The following GADL1 variants were observed in gnomAD, a reference collection of about 807,000 sequenced individuals.
GADL1 encodes acidic amino acid decarboxylase GADL1.
A neutral mutation model predicts 69.5 loss-of-function variants in GADL1; 71 were observed. That is an observed-to-expected ratio of 1.02 (90% CI 0.84 to 1.25). The LOEUF is 1.25. Among genes scored for constraint, GADL1 ranks in the 50% most tolerant of loss-of-function variants. GADL1 has a pLI of 0.00. For synonymous variants in GADL1, 254 were observed against 214.4 expected (o/e 1.18, Z -1.62); for missense variants, 737 against 631.8 (o/e 1.17, Z -1.79).
chr3:30,854,155 C>T (rs1238205141), intron 4 of GADL1, among the ~76,000 whole-genome samples: 5 of 152,138 alleles, frequency 3.3e-5, no homozygotes, highest in African/African-American at 1.2e-4. Context: ...TCATCCCTCA[C>T]CTTATCACCT....
At chr3:30,741,691 G>A (rs1695628979) in intron 14 of GADL1, among the ~76,000 whole-genome samples, 1 of 152,116 alleles carries the variant, frequency 6.6e-6, no homozygotes, top group Non-Finnish European at 1.5e-5. Context: ...TTAAGCCCAT[G>A]TATAAATTAG....
intron 11 of GADL1, among the ~76,000 whole-genome samples, chr3:30,826,795 A>C (rs991046197): frequency 2.0e-5 from 3 of 151,856 alleles, no homozygotes; most frequent in Non-Finnish European, 1.5e-5. Context: ...TAAAACAAAA[A>C]TAACTTCCTA....
intron 1 of GADL1, among the ~76,000 whole-genome samples, chr3:30,877,087 G>A (rs1310889009): frequency 1.3e-5 from 2 of 151,860 alleles, no homozygotes; most frequent in Non-Finnish European, 2.9e-5. Context: ...AATATTCATA[G>A]CACCCTAGAA....
intron 1 of GADL1, among the ~76,000 whole-genome samples, chr3:30,889,819 A>G (rs1698763105): frequency 6.6e-6 from 1 of 152,214 alleles, no homozygotes; most frequent in African/African-American, 2.4e-5. Flanking sequence ...TGATCTTATA[A>G]TATACATAGT....
chr3:30,878,123 C>A (rs1163483862), intron 1 of GADL1, among the ~76,000 whole-genome samples: 1 of 151,916 alleles, frequency 6.6e-6, no homozygotes, highest in African/African-American at 2.4e-5. Flanking sequence ...CTCTGGCCCC[C>A]AAGTAGCTCT....
At chr3:30,799,254 G>C (rs1427440568) in intron 12 of GADL1, 2 of 152,274 alleles carry the variant, frequency 1.3e-5, no homozygotes, top group African/African-American at 4.8e-5. Context: ...GCATCCAGGG[G>C]TTTCCATACC....
chr3:30,764,924 A>G (rs983191302), intron 14 of GADL1, among the ~76,000 whole-genome samples: 10 of 122,462 alleles, frequency 8.2e-5, no homozygotes, highest in Middle Eastern at 4.1e-3. Flanking sequence ...TTTCTAGAAC[A>G]TCCTGCAAAG....
At chr3:30,888,582 C>T (rs928362988) in intron 1 of GADL1, among the ~76,000 whole-genome samples, 6 of 151,912 alleles carry the variant, frequency 3.9e-5, no homozygotes, top group African/African-American at 1.5e-4. Flanking sequence ...ACCTATTATC[C>T]CCAAGTGGGA....
intron 1 of GADL1, among the ~76,000 whole-genome samples, chr3:30,883,327 C>G (rs1698665569): frequency 6.6e-6 from 1 of 151,878 alleles, no homozygotes; most frequent in Admixed American, 6.6e-5. Flanking sequence ...TTTCTATATA[C>G]AGTATAATAA....
At chr3:30,754,868 T>TTC (rs892004724) in intron 14 of GADL1, among the ~76,000 whole-genome samples, 9 of 151,940 alleles carry the variant, frequency 5.9e-5, no homozygotes, top group African/African-American at 1.7e-4. Flanking sequence ...TGATTTTTTT[T>TTC]CTGAAAGTCT....
intron 14 of GADL1, among the ~76,000 whole-genome samples, chr3:30,755,856 T>C (rs1695957438): frequency 6.6e-6 from 1 of 151,658 alleles, no homozygotes; most frequent in Non-Finnish European, 1.5e-5. Flanking sequence ...ATCATTTGCA[T>C]ACATAACATT....
At chr3:30,768,611 A>T (rs973539626) in intron 14 of GADL1, among the ~76,000 whole-genome samples, 1 of 151,954 alleles carries the variant, frequency 6.6e-6, no homozygotes, top group Non-Finnish European at 1.5e-5. Context: ...GCGAGACTGG[A>T]GGTGCAAAGA....
Position 30,743,378 on chromosome 3 carries a change from G to A in GADL1, c.1393-14963C>T, listed in dbSNP as rs371581006. ...AAGCAGAGATGTGGAGTGAGTGAAG[G>A]AGATATGTGGAGTGACCAAGGTGCC... On this transcript the variant is annotated intron_variant, in intron 14 of 14. Transcript: ENST00000282538. Among the ~76,000 whole-genome samples, 4 of 152,184 alleles carry A rather than the reference G, an allele frequency of 2.6e-5. No individual in the cohort carries two copies. In the East Asian group the frequency reaches 5.8e-4, roughly 22 times the overall value.
intron 14 of GADL1, among the ~76,000 whole-genome samples, chr3:30,776,504 C>A (rs9882060): frequency 0.21 from 31,458 of 152,150 alleles, 7,380 homozygotes; most frequent in African/African-American, 0.56. Flanking sequence ...GTCTATGCTA[C>A]CTGCCTGAAA....
rs1423985555 is a variant in GADL1, at chr3:30,786,379, T to G, written c.1278A>C (p.Arg426Ser). 1.9e-6 allele frequency: 3 copies of G among 1,554,500 alleles called. No homozygotes were observed. Among genetic ancestry groups the G allele is most frequent in the Non-Finnish European group, 2.7e-6 (3 of 1,127,384 alleles). The change falls in exon 13 of 15, where the codon AGA (arginine) becomes AGC (serine). Residue 426 changes from arginine to serine, a missense_variant. Arg to Ser is a moderately radical substitution (Grantham distance 110). Coordinates refer to ENST00000282538, the MANE Select transcript of GADL1 (RefSeq NM_207359.3). The stretch of plus-strand genomic sequence containing the variant: ...CTTCCATCAGTAACTTGAATCCTTC[T>G]CTTTTCTTGATTTCATCTACTAGGT... ...SRYLVDEIKK[R>S]EGFKLLMEPE...
chr3:30,805,689 C>A (rs1697238783), intron 11 of GADL1, among the ~76,000 whole-genome samples: 1 of 144,722 alleles, frequency 6.9e-6, no homozygotes, highest in African/African-American at 2.7e-5. Flanking sequence ...TCAGTGATCC[C>A]ATGGGTCTAC....
rs548638671 is a variant in GADL1 at position 30,727,555 on chromosome 3, G to C, written c.*687C>G. The stretch of plus-strand genomic sequence containing the variant: ...TATACAGTTTCTCTCTTTAAAAATA[G>C]CTTTGACATGCTTCTGATGTCCTTA... On this transcript the variant is annotated 3_prime_UTR_variant, in exon 15 of 15. Coordinates refer to ENST00000282538, the MANE Select transcript of GADL1 (RefSeq NM_207359.3). The C allele has an allele frequency of 1.3e-5, 2 of 152,036 alleles. No homozygotes were observed. Among genetic ancestry groups the C allele is most frequent in the South Asian group, 4.2e-4 (2 of 4,818 alleles). The allele number at this position is 152,036 out of a possible 1,614,324, so 9.4% of individuals were successfully genotyped here. A position where few individuals can be genotyped will look rare whatever the true frequency, so the allele number is the denominator to read the frequency against.
chr3:30,770,831 T>A (rs1047123772), intron 14 of GADL1, among the ~76,000 whole-genome samples: 1 of 152,142 alleles, frequency 6.6e-6, no homozygotes, highest in Non-Finnish European at 1.5e-5. Flanking sequence ...GAGAGGCTGT[T>A]AAGCTCAAGG....
At chr3:30,841,927 C>T (rs1575229894) in intron 8 of GADL1, among the ~76,000 whole-genome samples, 1 of 152,120 alleles carries the variant, frequency 6.6e-6, no homozygotes, top group Non-Finnish European at 1.5e-5. Context: ...TGCCAAATTA[C>T]AGAAAATATA....
Sources: gnomAD v4.1 joint callset for allele counts (sites outside exome capture counted in the v4.1 genomes callset) on GRCh38, gnomAD v4.1.1 for gene constraint, MANE v1.5 for transcripts, NCBI Gene and HGNC (gene_info 2026-07-23, HGNC 2026-07-21) for gene names.